Variants in ANO3 observed in about 807,000 individuals in gnomAD.
ANO3 encodes the protein anoctamin 3.
Under a neutral mutation model 144.8 loss-of-function variants are expected in ANO3, and 99 were observed. The observed-to-expected ratio is 0.68, with a 90% CI of 0.58 to 0.81. ANO3 has a LOEUF of 0.81. Among genes scored for constraint, ANO3 ranks in the 30% least tolerant of loss-of-function variants. The pLI is 0.00. For missense variants in ANO3, 905 were observed against 1,202.2 expected, an observed-to-expected ratio of 0.75 and a Z score of 3.66; for synonymous variants, 414 against 392.6, an observed-to-expected ratio of 1.05 and a Z score of -0.64.
intron 1 of ANO3, among the ~76,000 whole-genome samples, chr11:26,251,358 G>C (rs1028988469): frequency 6.6e-6 from 1 of 152,096 alleles, no homozygotes; most frequent in African/African-American, 2.4e-5. Context: ...AAAGATATAG[G>C]CTTTGAAATC....
At chr11:26,491,539 G>C (rs755079903) in intron 4 of ANO3, among the ~76,000 whole-genome samples, 3 of 152,192 alleles carry the variant, frequency 2.0e-5, no homozygotes, top group Non-Finnish European at 2.9e-5. Flanking sequence ...TCAGCATAAA[G>C]AAGGGTATTC....
intron 4 of ANO3, among the ~76,000 whole-genome samples, chr11:26,464,672 T>C (rs7936486): frequency 0.97 from 147,547 of 151,780 alleles, 71,835 homozygotes; most frequent in Middle Eastern, 1. Context: ...GTAACATTAA[T>C]GATAAGAGAA....
intron 14 of ANO3, chr11:26,565,385 C>A (rs752688936): frequency 1.2e-6 from 2 of 1,613,148 alleles, no homozygotes; most frequent in Non-Finnish European, 1.7e-6. Context: ...CAGGAGTTTT[C>A]ACGGTGTCAT....
chr11:26,297,988 T>A (rs7938680), intron 1 of ANO3, among the ~76,000 whole-genome samples: 13,849 of 152,140 alleles, frequency 0.091, 1,378 homozygotes, highest in African/African-American at 0.25. Context: ...CCTGCAAAAA[T>A]GAGGAGCATA....
chr11:26,508,263 G>A lies in ANO3; in HGVS notation c.591+1G>A. The A allele has an allele frequency of 6.3e-7, 1 of 1,586,408 alleles. No individual in the cohort carries two copies. The highest frequency in any genetic ancestry group is 8.5e-7 in the Non-Finnish European group (1 of 1,172,068). On this transcript the variant is annotated splice_donor_variant, in intron 5 of 26. Transcript: ENST00000256737. LOFTEE classifies it high-confidence loss of function. ...AGAAGGCTTGATGTTGGAGAAGGAG[G>A]TAGGTGCTTTACTATTATTAGTTAT...
chr11:26,628,538 C>A (rs1178094949), intron 18 of ANO3, among the ~76,000 whole-genome samples: 1 of 152,146 alleles, frequency 6.6e-6, no homozygotes. Context: ...TCAAAATGAT[C>A]CACAATGTGC....
chr11:26,458,043 G>A (rs1859234485), intron 3 of ANO3, among the ~76,000 whole-genome samples: 1 of 152,100 alleles, frequency 6.6e-6, no homozygotes, highest in Non-Finnish European at 1.5e-5. Flanking sequence ...ATGGGAGAAA[G>A]TCATCTTAAA....
intron 3 of ANO3, among the ~76,000 whole-genome samples, chr11:26,448,443 G>A (rs932564138): frequency 6.6e-6 from 1 of 152,124 alleles, no homozygotes; most frequent in Non-Finnish European, 1.5e-5. Flanking sequence ...CTCAGGAATG[G>A]GTTCATATTA....
At chr11:26,201,836 T>C (rs907765506) in intron 1 of ANO3, among the ~76,000 whole-genome samples, 3 of 151,678 alleles carry the variant, frequency 2.0e-5, no homozygotes, top group African/African-American at 7.3e-5. Flanking sequence ...TTTTCATCTG[T>C]AGAAGAGGTG....
In ANO3 at chr11:26,635,306, A is replaced by G. The variant is rs181188226; in HGVS notation, c.2043+236A>G. Among the ~76,000 whole-genome samples, 8 of 152,186 alleles carry G rather than the reference A, an allele frequency of 5.3e-5. No individual in the cohort carries two copies. In the East Asian group the frequency reaches 1.5e-3, roughly 29 times the overall value. On this transcript the variant is annotated intron_variant, in intron 20 of 26. Transcript: ENST00000256737. ...TTAATCACATCAATTTCTTTTATTT[A>G]CAGACCCCAGGAATTTAGCTCCAGT... is the stretch of plus-strand genomic sequence containing the variant.
chr11:26,635,791 A>G (rs1174996982), intron 20 of ANO3, among the ~76,000 whole-genome samples: 3 of 152,242 alleles, frequency 2.0e-5, no homozygotes, highest in East Asian at 1.9e-4. Flanking sequence ...GCAATAAAAC[A>G]TAACAAATAT....
At chr11:26,400,843 A>AAAAT (rs1554949440) in intron 1 of ANO3, among the ~76,000 whole-genome samples, 2 of 147,926 alleles carry the variant, frequency 1.4e-5, no homozygotes, top group Non-Finnish European at 3.0e-5. Flanking sequence ...TGCCTAGATG[A>AAAAT]ATATATATAT....
At chr11:26,229,902 C>A (rs1423746385) in intron 1 of ANO3, among the ~76,000 whole-genome samples, 6 of 152,126 alleles carry the variant, frequency 3.9e-5, no homozygotes, top group Non-Finnish European at 8.8e-5. Flanking sequence ...TAGAAATTCC[C>A]TGTTCTTTTT....
chr11:26,473,120 T>C lies in ANO3; in HGVS notation c.432+9972T>C, dbSNP rs79185229. ...TTCTTTAACTGTTTCAAACATTGTG[T>C]GAAGTTATTTTTTCTATTTCTTGAA... On this transcript the variant is annotated intron_variant, in intron 4 of 26. Coordinates refer to ENST00000256737, the MANE Select transcript of ANO3 (RefSeq NM_031418.4). Among the ~76,000 whole-genome samples, 31 of 152,070 alleles carry C rather than the reference T, an allele frequency of 2.0e-4. 1 individual carries two copies. The East Asian group carries it at 5.6e-3, about 28-fold the overall frequency.
intron 10 of ANO3, 42 bp from the exon 11 acceptor site, chr11:26,541,905 C>T (rs1255724935): frequency 6.4e-7 from 1 of 1,573,548 alleles, no homozygotes; most frequent in Non-Finnish European, 8.6e-7. Flanking sequence ...TAAAATTTCA[C>T]TAAAAAATAG....
At chr11:26,392,240 T>C (rs1856900616) in intron 1 of ANO3, among the ~76,000 whole-genome samples, 1 of 51,302 alleles carries the variant, frequency 1.9e-5, no homozygotes, top group Non-Finnish European at 3.8e-5. Context: ...AATTCCTGCC[T>C]TTTTTTTTTT....
chr11:26,542,002 A>G lies in ANO3; in HGVS notation c.1088A>G (p.His363Arg), dbSNP rs1057521380. 1.2e-6 allele frequency: 2 copies of G among 1,612,878 alleles called. No homozygotes were observed. Among genetic ancestry groups the G allele is most frequent in the Non-Finnish European group, 1.7e-6 (2 of 1,179,166 alleles). Residue 363 changes from histidine to arginine, a missense_variant, in exon 11 of 27, where the codon CAT becomes CGT. Physicochemically the swap from His to Arg is conservative, Grantham distance 29. Coordinates refer to ENST00000256737, the MANE Select transcript of ANO3 (RefSeq NM_031418.4). ...ACCCATGGACCTCAGAATAACAGAC[A>G]TCTATTATATGAGCGCTGGGCACGC... is the stretch of plus-strand genomic sequence containing the variant. ...IKTHGPQNNRHLLYERWARWG... is the reference protein window; with the variant it reads ...IKTHGPQNNRRLLYERWARWG...
rs564396830 is a variant in ANO3 at position 26,295,034 on chromosome 11, G to A, written c.155-14611G>A. On this transcript the variant is annotated intron_variant, in intron 1 of 27. Transcript: ENST00000672621. ...CTGCCTCAGCCTCCTGAGTAACTGG[G>A]ACTATAGGCGTGCACCCACGTGCCA... Among the ~76,000 whole-genome samples the A allele has an allele frequency of 9.1e-4, 139 of 152,076 alleles. 2 individuals are homozygous for A. The highest frequency in any genetic ancestry group is 2.9e-3 in the South Asian group (14 of 4,820).
chr11:26,473,346 A>T (rs1242731841), intron 4 of ANO3, among the ~76,000 whole-genome samples: 1 of 151,844 alleles, frequency 6.6e-6, no homozygotes, highest in African/African-American at 2.4e-5. Context: ...ATTCAATTTT[A>T]TTTGCTTGTT....
Sources: allele counts gnomAD v4.1 joint callset (sites outside exome capture counted in the v4.1 genomes callset), GRCh38; gene constraint gnomAD v4.1.1; transcripts MANE v1.5; gene names NCBI Gene and HGNC (gene_info 2026-07-23, HGNC 2026-07-21).